MID1: variants seen among roughly 807,000 people sequenced by gnomAD.
MID1 encodes midline 1, also known as E3 ubiquitin-protein ligase Midline-1.
Under a neutral mutation model 40.4 loss-of-function variants are expected in MID1, and 7 were observed. The ratio of observed to expected loss-of-function variants is 0.17; its 90% CI spans 0.10 to 0.33. The LOEUF (loss-of-function observed/expected upper bound fraction) is 0.33. Among genes scored for constraint, MID1 ranks in the 10% least tolerant of loss-of-function variants. The pLI is 1.00. For synonymous variants in MID1, 229 were observed against 221.2 expected, an observed-to-expected ratio of 1.04 and a Z score of -0.31; for missense variants, 367 against 558.5, an observed-to-expected ratio of 0.66 and a Z score of 3.46.
At chrX:10,501,422 A>G in intron 3 of MID1, 3 of 1,155,137 alleles carry the variant, frequency 2.6e-6, no homozygotes, top group East Asian at 3.3e-5. Context: ...CTACATCTAG[A>G]GTCAGTTTTC....
At chrX:10,673,354 C>G (rs2043001371) in intron 1 of MID1, among the ~76,000 whole-genome samples, 1 of 111,437 alleles carries the variant, frequency 9.0e-6, no homozygotes, top group Admixed American at 9.6e-5. Flanking sequence ...ACATGCAGAC[C>G]GGGGCTCCCT....
chrX:10,596,828 G>A (rs2428595), intron 1 of MID1, among the ~76,000 whole-genome samples: 2,352 of 112,085 alleles, frequency 0.021, 30 homozygotes, highest in Non-Finnish European at 0.033. Context: ...TGTTAGAAGA[G>A]AAGGAACAGT....
At chrX:10,541,771 C>T (rs1933477006) in intron 2 of MID1, among the ~76,000 whole-genome samples, 1 of 80,859 alleles carries the variant, frequency 1.2e-5, no homozygotes, top group Admixed American at 1.8e-4. Context: ...ATAAAAATCC[C>T]AAGTGTGAAT....
intron 1 of MID1, among the ~76,000 whole-genome samples, chrX:10,710,062 G>C: frequency 8.9e-6 from 1 of 111,785 alleles, no homozygotes; most frequent in Non-Finnish European, 1.9e-5. Flanking sequence ...TGTGTCTGGG[G>C]TTGTCTGGGG....
At chrX:10,703,536 G>A (rs373669593) in intron 1 of MID1, among the ~76,000 whole-genome samples, 2 of 110,778 alleles carry the variant, frequency 1.8e-5, no homozygotes, top group African/African-American at 3.3e-5. Context: ...GTGCGGTGGT[G>A]CGCACCCATA....
At chrX:10,730,564 C>CTTTTTTT (rs1188069622) in intron 1 of MID1, among the ~76,000 whole-genome samples, 3 of 78,138 alleles carry the variant, frequency 3.8e-5, no homozygotes, top group Non-Finnish European at 7.0e-5. Context: ...TCAGATACAT[C>CTTTTTTT]TTTTTTTTTT....
chrX:10,733,864 C>A (rs1207822196), intron 1 of MID1, among the ~76,000 whole-genome samples: 1 of 112,206 alleles, frequency 8.9e-6, no homozygotes, highest in Non-Finnish European at 1.9e-5. Context: ...TAAAATGGTA[C>A]AAGCAGATTG....
At position 10,581,587 on chromosome X, in the gene MID1, C is replaced by T. The variant is rs112135559; in HGVS notation, c.-56-13984G>A. Among the ~76,000 whole-genome samples the T allele has an allele frequency of 2.8e-3, 313 of 112,008 alleles. 3 individuals are homozygous for T. The highest frequency in any genetic ancestry group is 9.6e-3 in the African/African-American group (296 of 30,848). ...TCTTGTCCTGAATCGCCTCTTCCCA[C>T]TCTTCTTTGAATAAATTCATTATCT... On this transcript the variant is annotated intron_variant, in intron 1 of 9. Transcript: ENST00000317552.
intron 1 of MID1, among the ~76,000 whole-genome samples, chrX:10,780,513 G>A (rs1768192346): frequency 8.9e-6 from 1 of 111,934 alleles, no homozygotes; most frequent in African/African-American, 3.3e-5. Flanking sequence ...GCTTGATCTA[G>A]GCACTTAGTC....
intron 1 of MID1, among the ~76,000 whole-genome samples, chrX:10,708,485 A>G (rs2043245850): frequency 9.0e-6 from 1 of 111,021 alleles, no homozygotes; most frequent in Non-Finnish European, 1.9e-5. Flanking sequence ...GCAAAAAGAA[A>G]AGGGGAAATG....
intron 1 of MID1, among the ~76,000 whole-genome samples, chrX:10,832,233 GT>G (rs939604007): frequency 4.4e-5 from 5 of 112,422 alleles, no homozygotes; most frequent in African/African-American, 1.6e-4. Flanking sequence ...CCTTGCGAAA[GT>G]TATGCTTTCT....
At chrX:10,474,060 C>T (rs1436166601) in intron 6 of MID1, among the ~76,000 whole-genome samples, 1 of 111,978 alleles carries the variant, frequency 8.9e-6, no homozygotes, top group African/African-American at 3.2e-5. Context: ...CAGTCTTTTA[C>T]TAGAAAGAGC....
chrX:10,624,552 G>T (rs1325576165), upstream of MID1, among the ~76,000 whole-genome samples: 1 of 111,267 alleles, frequency 9.0e-6, no homozygotes, highest in Non-Finnish European at 1.9e-5. Flanking sequence ...TGAGTAATCT[G>T]GTAAATGGTT....
chrX:10,547,062 G>A (rs770787577), intron 2 of MID1, among the ~76,000 whole-genome samples: 1 of 112,166 alleles, frequency 8.9e-6, no homozygotes, highest in Non-Finnish European at 1.9e-5. Flanking sequence ...AGGTTGAAGT[G>A]GGAAGATCGC....
intron 1 of MID1, among the ~76,000 whole-genome samples, chrX:10,730,083 C>CAAAA: frequency 1.4e-5 from 1 of 69,216 alleles, no homozygotes; most frequent in African/African-American, 4.9e-5. Context: ...GACTCCATCT[C>CAAAA]AAAAAAAAAA....
At chrX:10,502,429 G>A (rs963218685) in intron 3 of MID1, among the ~76,000 whole-genome samples, 2 of 111,837 alleles carry the variant, frequency 1.8e-5, no homozygotes, top group Non-Finnish European at 3.8e-5. Context: ...TAACCCCAAC[G>A]TGTTGGAGAC....
intron 1 of MID1, among the ~76,000 whole-genome samples, chrX:10,826,334 T>C (rs1041934637): frequency 1.8e-5 from 2 of 111,846 alleles, no homozygotes; most frequent in Admixed American, 1.9e-4. Context: ...CAAGCAGATA[T>C]TATTTTTGCT....
rs780071245 is a variant in MID1 at position 10,463,315 on chromosome X, C to CAATT, written c.1286-3512_1286-3509dup. Among the ~76,000 whole-genome samples, 393 of 112,079 alleles carry CAATT rather than the reference C, an allele frequency of 3.5e-3. 2 individuals carry two copies. The highest frequency in any genetic ancestry group is 6.2e-3 in the Non-Finnish European group (332 of 53,249). On this transcript the variant is annotated intron_variant, in intron 7 of 9. Transcript: ENST00000317552. Reference sequence around the variant, plus strand: ...CTCCTTCACTAACGCCAGTTGAAGGCAATTAACTACAATTTATTAGGATGA... The same window carrying CAATT: ...CTCCTTCACTAACGCCAGTTGAAGGCAATTAATTAACTACAATTTATTAGGATGA...
Position 10,523,123 on chromosome X carries a change from G to A in MID1, c.725C>T (p.Ala242Val), listed in dbSNP as rs1180670969. 8.3e-7 allele frequency: 1 copy of A among 1,201,403 alleles called. No homozygotes were observed. Among genetic ancestry groups the A allele is most frequent in the East Asian group, 3.0e-5 (1 of 33,585 alleles). Residue 242 changes from alanine (A) to valine (V), a missense_variant, in exon 3 of 10, where the codon GCT (alanine) becomes GTT (valine). Ala to Val is a moderately conservative substitution (Grantham distance 64). Transcript: ENST00000317552. ...KRNTELETLL[A>V]KLIQTCQHVE... ...ATGTTGACAGGTTTGGATGAGTTTA[G>A]CCAAAAGGGTCTCCAGTTCTGTGTT...
Sources: allele counts gnomAD v4.1 joint callset (sites outside exome capture counted in the v4.1 genomes callset), GRCh38; gene constraint gnomAD v4.1.1; transcripts MANE v1.5; gene names NCBI Gene and HGNC (gene_info 2026-07-23, HGNC 2026-07-21).